Variants in MYO5B observed in about 807,000 individuals in gnomAD.
The protein encoded by MYO5B is myosin VB, also known as unconventional myosin-Vb.
A neutral mutation model predicts 229.3 loss-of-function variants in MYO5B; 143 were observed. The ratio of observed to expected loss-of-function variants is 0.62; its 90% CI spans 0.54 to 0.72. MYO5B has a LOEUF of 0.72. Among genes scored for constraint, MYO5B ranks in the 30% least tolerant of loss-of-function variants. The pLI is 0.00. For synonymous variants in MYO5B, 918 were observed against 885.2 expected (o/e 1.04, Z -0.66); for missense variants, 2,321 against 2,331.0 (o/e 1.00, Z 0.09).
At chr18:49,989,817 GT>G (rs2025909607) in intron 7 of MYO5B, among the ~76,000 whole-genome samples, 3 of 152,212 alleles carry the variant, frequency 2.0e-5, no homozygotes, top group Admixed American at 2.0e-4. Flanking sequence ...CTCAGCTTTT[GT>G]GGAGAGGCAG....
chr18:50,111,808 C>T (rs1025154603), intron 1 of MYO5B, among the ~76,000 whole-genome samples: 1 of 152,202 alleles, frequency 6.6e-6, no homozygotes, highest in African/African-American at 2.4e-5. Context: ...TCATTCATTT[C>T]TTTGAACTTC....
chr18:49,917,314 C>G (rs1218424913), intron 17 of MYO5B, among the ~76,000 whole-genome samples: 1 of 152,180 alleles, frequency 6.6e-6, no homozygotes, highest in Non-Finnish European at 1.5e-5. Flanking sequence ...CACGTTAAAC[C>G]TTTCCTACCA....
chr18:50,176,169 T>C (rs2032994050), intron 1 of MYO5B, among the ~76,000 whole-genome samples: 1 of 152,170 alleles, frequency 6.6e-6, no homozygotes, highest in African/African-American at 2.4e-5. Flanking sequence ...TCACATCTTA[T>C]TGGGAGGGAG....
intron 6 of MYO5B, 71 bp from the exon 7 acceptor site, chr18:49,990,591 C>T: frequency 3.1e-6 from 4 of 1,276,054 alleles, no homozygotes; most frequent in Non-Finnish European, 4.5e-6. Context: ...CACTGTAATC[C>T]CAGGGTGCTC....
chr18:49,954,197 G>A (rs1482105480), intron 13 of MYO5B, 116 bp downstream of exon 13: 9 of 1,489,190 alleles, frequency 6.0e-6, no homozygotes, highest in African/African-American at 1.4e-5. Flanking sequence ...GAACCTAGCT[G>A]AGGCTTCAGG....
chr18:50,010,397 C>T (rs773602710), intron 4 of MYO5B, among the ~76,000 whole-genome samples: 5 of 152,186 alleles, frequency 3.3e-5, no homozygotes, highest in Non-Finnish European at 5.9e-5. Context: ...CCCACCCCAT[C>T]GTGGGCAGAC....
chr18:49,837,448 G>T, intron 37 of MYO5B, 69 bp downstream of exon 37: 1 of 1,564,752 alleles, frequency 6.4e-7, no homozygotes, highest in Non-Finnish European at 8.8e-7. Context: ...GCAGTCTTGT[G>T]TTCTGATTCT....
chr18:50,142,418 G>A (rs1050341103), intron 1 of MYO5B, among the ~76,000 whole-genome samples: 2 of 152,150 alleles, frequency 1.3e-5, no homozygotes, highest in African/African-American at 2.4e-5. Flanking sequence ...CAGGAGAAAG[G>A]GAACCAGATA....
intron 12 of MYO5B, among the ~76,000 whole-genome samples, chr18:49,957,494 A>G (rs2025507077): frequency 2.0e-5 from 3 of 151,996 alleles, no homozygotes; most frequent in Admixed American, 2.0e-4. Context: ...AAAAACTTAA[A>G]AATTAGCCAG....
rs538749642 is a variant in MYO5B at position 49,984,172 on chromosome 18, T to TC, written c.946+545dup. Among the ~76,000 whole-genome samples, 58 of 152,332 alleles carry TC rather than the reference T, an allele frequency of 3.8e-4. 1 individual carries two copies. In the East Asian group the frequency reaches 7.9e-3, roughly 21 times the overall value. Reference sequence around the variant, plus strand: ...AGGGCAATTTCCTCCAGTCATACTGTCCCCTTATGCCCCTGAAGGACAGAG... The same window carrying TC: ...AGGGCAATTTCCTCCAGTCATACTGTCCCCCTTATGCCCCTGAAGGACAGAG... On this transcript the variant is annotated intron_variant, in intron 8 of 39. Coordinates refer to ENST00000285039, the MANE Select transcript of MYO5B (RefSeq NM_001080467.3).
intron 1 of MYO5B, among the ~76,000 whole-genome samples, chr18:50,181,945 G>GAT (rs1355016194): frequency 1.3e-5 from 2 of 152,174 alleles, no homozygotes; most frequent in Admixed American, 6.5e-5. Flanking sequence ...GATGGGATAA[G>GAT]ATAAGGCAAT....
intron 1 of MYO5B, among the ~76,000 whole-genome samples, chr18:50,112,484 A>T (rs1392577484): frequency 6.6e-6 from 1 of 152,166 alleles, no homozygotes; most frequent in Non-Finnish European, 1.5e-5. Context: ...ATGGGGCTCC[A>T]AAGACGGCCG....
chr18:50,132,945 C>A (rs1231459841), intron 1 of MYO5B, among the ~76,000 whole-genome samples: 1 of 152,178 alleles, frequency 6.6e-6, no homozygotes, highest in Non-Finnish European at 1.5e-5. Context: ...TATTTAAAAG[C>A]CTTCTTAATT....
At chr18:50,157,638 T>G (rs2032701515) in intron 1 of MYO5B, among the ~76,000 whole-genome samples, 1 of 152,200 alleles carries the variant, frequency 6.6e-6, no homozygotes, top group Non-Finnish European at 1.5e-5. Context: ...TCTCATCCTT[T>G]GCTTTCTCAG....
intron 1 of MYO5B, among the ~76,000 whole-genome samples, chr18:50,108,791 T>C (rs763301760): frequency 1.3e-5 from 2 of 152,228 alleles, no homozygotes; most frequent in Non-Finnish European, 2.9e-5. Context: ...ATACCAGGTA[T>C]GTAGATAAAA....
chr18:50,155,407 C>T (rs1207671519), intron 1 of MYO5B, among the ~76,000 whole-genome samples: 2 of 152,122 alleles, frequency 1.3e-5, no homozygotes, highest in South Asian at 2.1e-4. Flanking sequence ...TGGTATTTAA[C>T]CAGGTACTTA....
chr18:49,942,387 A>AG (rs1194950227), intron 14 of MYO5B, among the ~76,000 whole-genome samples: 20 of 109,166 alleles, frequency 1.8e-4, no homozygotes, highest in African/African-American at 6.7e-4. Context: ...CAGCAAAAAA[A>AG]AAAAAAAAAA....
intron 1 of MYO5B, among the ~76,000 whole-genome samples, chr18:50,112,869 A>T (rs74422324): frequency 0.014 from 2,074 of 152,228 alleles, 52 homozygotes; most frequent in African/African-American, 0.046. Flanking sequence ...AACGTATTTT[A>T]AAAAAAATTG....
At chr18:49,993,420 A>G (rs894069414) in intron 5 of MYO5B, among the ~76,000 whole-genome samples, 2 of 152,078 alleles carry the variant, frequency 1.3e-5, no homozygotes, top group Non-Finnish European at 2.9e-5. Flanking sequence ...CTGGCAGAAT[A>G]GTGAGAAGCA....
Sources: allele counts gnomAD v4.1 joint callset (sites outside exome capture counted in the v4.1 genomes callset), GRCh38; gene constraint gnomAD v4.1.1; transcripts MANE v1.5; gene names NCBI Gene and HGNC (gene_info 2026-07-23, HGNC 2026-07-21).